The following PSMD4 variants were observed in gnomAD, a reference collection of about 807,000 sequenced individuals.
PSMD4 encodes proteasome 26S subunit ubiquitin receptor, non-ATPase 4.
A neutral mutation model predicts 39.7 loss-of-function variants in PSMD4; 5 were observed. That is an observed-to-expected ratio of 0.13 (90% CI 0.07 to 0.26). The LOEUF is 0.26. PSMD4 is among the 10% of genes least tolerant of loss of function. The pLI is 1.00. For missense variants in PSMD4, 272 were observed against 486.1 expected, an observed-to-expected ratio of 0.56 and a Z score of 4.14; for synonymous variants, 143 against 174.6, an observed-to-expected ratio of 0.82 and a Z score of 1.43.
intron 1 of PSMD4, 43 bp from the exon 2 acceptor site, chr1:151,262,118 T>G: frequency 6.2e-7 from 1 of 1,610,808 alleles, no homozygotes; most frequent in Non-Finnish European, 8.5e-7. Context: ...TTTGGAAAAC[T>G]TCTACATTTC....
chr1:151,255,073 A>G (rs772422433), intron 1 of PSMD4, among the ~76,000 whole-genome samples: 3 of 152,230 alleles, frequency 2.0e-5, no homozygotes, highest in Non-Finnish European at 4.4e-5. Context: ...CGTCTTCTCT[A>G]GAGCAGCCCG....
At chr1:151,260,983 C>G (rs1693303524) in intron 1 of PSMD4, among the ~76,000 whole-genome samples, 1 of 151,374 alleles carries the variant, frequency 6.6e-6, no homozygotes, top group Admixed American at 6.6e-5. Context: ...GTAGCTAGGA[C>G]TACAAGTGTG....
Position 151,262,163 on chromosome 1 carries a change from T to C in PSMD4, c.29T>C (p.Val10Ala). Residue 10 changes from valine to alanine, a missense_variant and splice_region_variant, in exon 2 of 10, where the codon GTG becomes GCG. By Grantham distance (64) the Val-to-Ala change is moderately conservative (BLOSUM62 0). Around this residue, in one of 3 missense-constraint regions of PSMD4, gnomAD observed 153 missense variants for 257.6 expected, o/e 0.59. Coordinates refer to ENST00000368884, the MANE Select transcript of PSMD4 (RefSeq NM_002810.4). MVLESTMVC[V>A]DNSEYMRNGD... Reference sequence around the variant, plus strand: ...GTCCTTCAACCCTAATCTGACAGTGTGGACAACAGTGAGTATATGCGGAAT... The same window carrying C: ...GTCCTTCAACCCTAATCTGACAGTGCGGACAACAGTGAGTATATGCGGAAT... 1 of 1,614,152 alleles carries C rather than the reference T, an allele frequency of 6.2e-7. No individual in the cohort carries two copies. Among genetic ancestry groups the C allele is most frequent in the Non-Finnish European group, 8.5e-7 (1 of 1,180,028 alleles).
Position 151,254,743 on chromosome 1 carries a change from C to A in PSMD4, c.-40C>A, listed in dbSNP as rs1693122251. ...GCCAATTGGAGGAGTTGTTGTTAGG[C>A]CGTCCCGGAGACCCGGTCGGGAGGG... On this transcript the variant is annotated 5_prime_UTR_variant, in exon 1 of 10. Coordinates refer to ENST00000368884, the MANE Select transcript of PSMD4 (RefSeq NM_002810.4). 1.9e-6 allele frequency: 3 copies of A among 1,548,372 alleles called. No individual in the cohort carries two copies. Among genetic ancestry groups the A allele is most frequent in the Non-Finnish European group, 2.6e-6 (3 of 1,146,552 alleles).
intron 9 of PSMD4, chr1:151,266,966 G>A (rs755509388): frequency 2.8e-6 from 2 of 726,342 alleles, no homozygotes; most frequent in East Asian, 2.7e-5. Context: ...TTCTCAGCAG[G>A]CCCCTCTATT....
At chr1:151,264,945 G>A (rs1355134617) in intron 4 of PSMD4, 27 bp downstream of exon 4, 1 of 1,581,708 alleles carries the variant, frequency 6.3e-7, no homozygotes, top group South Asian at 1.1e-5. Context: ...GCTGGGGAAT[G>A]TGGGGAGCCC....
At chr1:151,262,445 G>T in intron 2 of PSMD4, 144 bp downstream of exon 2, 1 of 989,000 alleles carries the variant, frequency 1.0e-6, no homozygotes, top group Non-Finnish European at 1.6e-6. Context: ...ATAGCAACTT[G>T]TTTTTTGTAT....
At chr1:151,264,247 G>A (rs78696541) in intron 3 of PSMD4, among the ~76,000 whole-genome samples, 1,699 of 151,594 alleles carry the variant, frequency 0.011, 37 homozygotes, top group African/African-American at 0.039. Context: ...GTTCATGCCT[G>A]TAATCCCATC....
rs778812221 is a variant in PSMD4, at chr1:151,265,475, C to T, written c.520C>T (p.Pro174Ser). 2 of 1,614,072 alleles carry T rather than the reference C, an allele frequency of 1.2e-6. No individual in the cohort carries two copies. Among genetic ancestry groups the T allele is most frequent in the Non-Finnish European group, 1.7e-6 (2 of 1,180,030 alleles). Residue 174 changes from proline to serine, a missense_variant, in exon 6 of 10, where the codon CCT (proline) becomes TCT (serine). By Grantham distance (74) the Pro-to-Ser change is moderately conservative. This residue lies in a region of PSMD4 where 153 missense variants were observed against 257.6 expected (regional missense o/e 0.59). Transcript: ENST00000368884. ...DGTGSHLVTV[P>S]PGPSLADALI... ...AACCGGTTCTCATCTGGTGACAGTGCCTCCTGGGCCCAGTTTGGCTGATGC... is the reference window on the plus strand; with the variant it reads ...AACCGGTTCTCATCTGGTGACAGTGTCTCCTGGGCCCAGTTTGGCTGATGC...
At chr1:151,263,692 G>A (rs188493053) in intron 2 of PSMD4, 23 of 302,174 alleles carry the variant, frequency 7.6e-5, no homozygotes, top group African/African-American at 3.1e-4. Context: ...TTAGCCAGGC[G>A]TGGTAGTGGG....
At chr1:151,265,332 G>C in intron 5 of PSMD4, 62 bp from the exon 6 acceptor site, 2 of 1,600,458 alleles carry the variant, frequency 1.2e-6, no homozygotes, top group Non-Finnish European at 1.7e-6. Context: ...GAGTAGTGCA[G>C]AAATGGGAAA....
Position 151,254,779 on chromosome 1 carries a change from C to CA in PSMD4, c.-2dup. 13 of 1,562,022 alleles carry CA rather than the reference C, an allele frequency of 8.3e-6. No homozygotes were observed. The highest frequency in any genetic ancestry group is 1.0e-5 in the Non-Finnish European group (12 of 1,154,876). ...ACCCGGTCGGGAGGGAGGAAGGTGG[C>CA]AAGATGGTGTTGGAAAGCACTATGG... On this transcript the variant is annotated 5_prime_UTR_variant, in exon 1 of 10. Transcript: ENST00000368884.
chr1:151,264,941 GA>G (rs1329509694), intron 4 of PSMD4, 23 bp downstream of exon 4: 1 of 1,586,518 alleles, frequency 6.3e-7, no homozygotes, highest in South Asian at 1.1e-5. Flanking sequence ...GGCAGCTGGG[GA>G]ATGTGGGGAG....
chr1:151,255,805 C>T (rs186895981), intron 1 of PSMD4, among the ~76,000 whole-genome samples: 4 of 151,774 alleles, frequency 2.6e-5, no homozygotes, highest in South Asian at 2.1e-4. Flanking sequence ...CTCACTGCAG[C>T]CTCCGCCTCC....
intron 4 of PSMD4, 40 bp from the exon 5 acceptor site, chr1:151,265,126 T>C: frequency 6.4e-7 from 1 of 1,557,578 alleles, no homozygotes. Context: ...CCCCCTCGAG[T>C]ATGGAACAGA....
At chr1:151,258,209 G>A (rs1693222385) in intron 1 of PSMD4, among the ~76,000 whole-genome samples, 1 of 151,666 alleles carries the variant, frequency 6.6e-6, no homozygotes, top group Non-Finnish European at 1.5e-5. Context: ...TGTATTTTTA[G>A]TAGAGATGAG....
chr1:151,258,620 C>T (rs755358445), intron 1 of PSMD4, among the ~76,000 whole-genome samples: 2 of 151,644 alleles, frequency 1.3e-5, no homozygotes, highest in African/African-American at 2.4e-5. Context: ...ACCACCATGC[C>T]CAGCTATTTT....
chr1:151,258,317 A>C (rs1025915722), intron 1 of PSMD4, among the ~76,000 whole-genome samples: 1 of 151,630 alleles, frequency 6.6e-6, no homozygotes, highest in Non-Finnish European at 1.5e-5. Flanking sequence ...CATGAGCCAC[A>C]ACACCCAGCC....
chr1:151,265,282 A>G, intron 5 of PSMD4, 48 bp downstream of exon 5: 1 of 1,599,826 alleles, frequency 6.3e-7, no homozygotes, highest in South Asian at 1.1e-5. Context: ...GGTCATAAAC[A>G]GAATGGTCCT....
Sources: gnomAD v4.1 joint callset for allele counts (sites outside exome capture counted in the v4.1 genomes callset) on GRCh38, gnomAD v4.1.1 for gene constraint, gnomAD v4.1.1 regional missense constraint, MANE v1.5 for transcripts, NCBI Gene and HGNC (gene_info 2026-07-23, HGNC 2026-07-21) for gene names.